The following ZNF385D variants were observed in gnomAD, a reference collection of about 807,000 sequenced individuals.
ZNF385D encodes zinc finger protein 385D, also known as zinc finger protein 659.
ZNF385D carries 15 observed loss-of-function variants against 35.8 expected under a neutral mutation model. The observed-to-expected ratio is 0.42, with a 90% confidence interval of 0.28 to 0.64. The LOEUF (loss-of-function observed/expected upper bound fraction) is 0.64. Ranked by LOEUF, ZNF385D falls within the 30% of genes least tolerant of loss-of-function variation. ZNF385D has a pLI of 0.23. For synonymous variants in ZNF385D, 212 were observed against 186.8 expected (o/e 1.13, Z -1.10); for missense variants, 474 against 494.6 (o/e 0.96, Z 0.39).
intron 3 of ZNF385D, among the ~76,000 whole-genome samples, chr3:21,825,389 T>C (rs929802540): frequency 1.3e-5 from 2 of 152,324 alleles, no homozygotes; most frequent in African/African-American, 4.8e-5. Context: ...AGTGTTTGTG[T>C]TTTGTCTCCC....
At chr3:21,477,422 G>T (rs962396016) in intron 4 of ZNF385D, among the ~76,000 whole-genome samples, 2 of 152,010 alleles carry the variant, frequency 1.3e-5, no homozygotes, top group Non-Finnish European at 2.9e-5. Context: ...GCAAGATCCT[G>T]TCTCAAAAAT....
At chr3:22,094,391 T>TATATATATATATATATATA (rs1701496740) in intron 3 of ZNF385D, among the ~76,000 whole-genome samples, 1 of 111,938 alleles carries the variant, frequency 8.9e-6, no homozygotes, top group Non-Finnish European at 2.2e-5. Flanking sequence ...TGTTGATATA[T>TATATATATATATATATATA]ATATATATAT....
chr3:22,079,031 C>G (rs1311774031), intron 3 of ZNF385D, among the ~76,000 whole-genome samples: 2 of 151,886 alleles, frequency 1.3e-5, no homozygotes, highest in Non-Finnish European at 2.9e-5. Context: ...ATAACCAGAG[C>G]TTACATGAAA....
At chr3:21,996,924 T>A (rs371864573) in intron 3 of ZNF385D, among the ~76,000 whole-genome samples, 2 of 152,198 alleles carry the variant, frequency 1.3e-5, no homozygotes, top group African/African-American at 4.8e-5. Context: ...TGTCAACTGA[T>A]AGCAATTGAG....
intron 3 of ZNF385D, among the ~76,000 whole-genome samples, chr3:21,819,400 C>T (rs146037670): frequency 1.9e-4 from 29 of 151,158 alleles, no homozygotes; most frequent in Admixed American, 1.7e-3. Context: ...AGAAAAAAAT[C>T]TGAAAGTAAA....
At chr3:22,108,622 T>C (rs1702350335) in intron 3 of ZNF385D, among the ~76,000 whole-genome samples, 1 of 152,208 alleles carries the variant, frequency 6.6e-6, no homozygotes, top group Non-Finnish European at 1.5e-5. Context: ...TTAGAAAAGT[T>C]ACTTAACCTC....
chr3:21,744,231 A>G (rs144136910), intron 1 of ZNF385D, among the ~76,000 whole-genome samples: 1 of 152,326 alleles, frequency 6.6e-6, no homozygotes, highest in African/African-American at 2.4e-5. Context: ...TGAAGATAAA[A>G]AAAGCAAAAT....
At chr3:22,164,417 C>T (rs569151985) in intron 3 of ZNF385D, among the ~76,000 whole-genome samples, 13 of 151,228 alleles carry the variant, frequency 8.6e-5, no homozygotes, top group African/African-American at 1.5e-4. Flanking sequence ...TTAGTAGAGA[C>T]GGGGTTTCAC....
intron 3 of ZNF385D, among the ~76,000 whole-genome samples, chr3:22,066,733 A>G (rs1171443847): frequency 6.6e-6 from 1 of 152,152 alleles, no homozygotes; most frequent in Non-Finnish European, 1.5e-5. Flanking sequence ...AGTGATGTGC[A>G]CTTAGATATT....
chr3:21,718,813 T>A (rs534302781), intron 1 of ZNF385D, among the ~76,000 whole-genome samples: 2 of 152,356 alleles, frequency 1.3e-5, no homozygotes, highest in African/African-American at 4.8e-5. Context: ...CAATCACAAC[T>A]GAATCAATTT....
At chr3:22,304,941 T>A (rs538728176) in intron 2 of ZNF385D, among the ~76,000 whole-genome samples, 1 of 152,168 alleles carries the variant, frequency 6.6e-6, no homozygotes, top group Non-Finnish European at 1.5e-5. Context: ...GATTAAAGCA[T>A]TAAGTGCTTA....
intron 2 of ZNF385D, among the ~76,000 whole-genome samples, chr3:21,647,857 T>A (rs1285088220): frequency 6.6e-6 from 1 of 152,190 alleles, no homozygotes; most frequent in Admixed American, 6.6e-5. Flanking sequence ...AATAAAATAA[T>A]CATTGATCTT....
intron 2 of ZNF385D, among the ~76,000 whole-genome samples, chr3:22,208,355 A>T (rs1043001463): frequency 6.6e-6 from 1 of 151,554 alleles, no homozygotes; most frequent in African/African-American, 2.4e-5. Flanking sequence ...AAAACTCTTC[A>T]TGTTCTCATT....
intron 3 of ZNF385D, among the ~76,000 whole-genome samples, chr3:21,531,773 A>G (rs1006892278): frequency 1.3e-5 from 2 of 152,234 alleles, no homozygotes; most frequent in African/African-American, 4.8e-5. Flanking sequence ...TGGAACACAG[A>G]GAACGTCTAA....
chr3:21,650,191 T>A (rs1026733309), intron 2 of ZNF385D, among the ~76,000 whole-genome samples: 1 of 152,206 alleles, frequency 6.6e-6, no homozygotes, highest in Non-Finnish European at 1.5e-5. Flanking sequence ...GAATTATATA[T>A]GTAATAAAAC....
intron 3 of ZNF385D, among the ~76,000 whole-genome samples, chr3:21,559,726 G>C (rs547821407): frequency 1.3e-5 from 2 of 152,288 alleles, no homozygotes; most frequent in Admixed American, 1.3e-4. Context: ...GGTTGGGGAA[G>C]TTCTCCTGGA....
chr3:21,511,160 T>C, intron 3 of ZNF385D, 137 bp from the exon 4 acceptor site: 1 of 1,038,018 alleles, frequency 9.6e-7, no homozygotes, highest in Non-Finnish European at 1.4e-6. Context: ...GACAGTGGGG[T>C]TCTATTTAGA....
intron 4 of ZNF385D, among the ~76,000 whole-genome samples, chr3:21,500,354 G>A (rs2125436803): frequency 6.6e-6 from 1 of 152,254 alleles, no homozygotes; most frequent in East Asian, 1.9e-4. Flanking sequence ...TGTGCTAGTT[G>A]CTAGAATAAA....
At chr3:21,694,548 G>A (rs2067403569) in intron 1 of ZNF385D, among the ~76,000 whole-genome samples, 2 of 152,130 alleles carry the variant, frequency 1.3e-5, no homozygotes, top group Admixed American at 6.5e-5. Context: ...AAGATTCTTG[G>A]ATCTTGCAGC....
Sources: gnomAD v4.1 joint callset for allele counts (sites outside exome capture counted in the v4.1 genomes callset) on GRCh38, gnomAD v4.1.1 for gene constraint, MANE v1.5 for transcripts, NCBI Gene and HGNC (gene_info 2026-07-23, HGNC 2026-07-21) for gene names.